UNC13C: variants seen among roughly 807,000 people sequenced by gnomAD.
UNC13C encodes the protein protein unc-13 homolog C.
A neutral mutation model predicts 245.4 loss-of-function variants in UNC13C; 174 were observed. The observed-to-expected ratio is 0.71, with a 90% confidence interval of 0.63 to 0.80. The LOEUF (loss-of-function observed/expected upper bound fraction) is 0.80, where lower values mean the gene tolerates loss of function less well. UNC13C is among the 30% of genes least tolerant of loss of function. UNC13C has a pLI of 0.00. For missense variants in UNC13C, 2,829 were observed against 2,602.9 expected, an observed-to-expected ratio of 1.09 and a Z score of -1.89; for synonymous variants, 992 against 895.1, an observed-to-expected ratio of 1.11 and a Z score of -1.93.
At chr15:54,171,238 A>G (rs1444327792) in intron 4 of UNC13C, among the ~76,000 whole-genome samples, 2 of 152,162 alleles carry the variant, frequency 1.3e-5, no homozygotes, top group African/African-American at 4.8e-5. Flanking sequence ...AACCAATGCA[A>G]AAATGGACAA....
At chr15:53,985,462 T>C (rs1318536315) in intron 1 of UNC13C, among the ~76,000 whole-genome samples, 4 of 151,594 alleles carry the variant, frequency 2.6e-5, no homozygotes, top group Non-Finnish European at 5.9e-5. Context: ...TATACATGTG[T>C]TAAGTATACA....
chr15:53,940,643 A>G, the UNC13C span, among the ~76,000 whole-genome samples: 1 of 152,304 alleles, frequency 6.6e-6, no homozygotes, highest in African/African-American at 2.4e-5. Context: ...ATCGATGTGC[A>G]GAAATCAGTA....
the UNC13C span, among the ~76,000 whole-genome samples, chr15:53,872,680 T>C: frequency 1.8e-3 from 280 of 152,234 alleles, 3 homozygotes; most frequent in Non-Finnish European, 3.1e-4. Flanking sequence ...TTAATTCTCA[T>C]AGGGGCCTGT....
intron 18 of UNC13C, among the ~76,000 whole-genome samples, chr15:54,399,101 A>G (rs2040128479): frequency 1.3e-5 from 2 of 151,638 alleles, no homozygotes; most frequent in African/African-American, 4.8e-5. Context: ...GATCTTTATG[A>G]CTAAATGCAC....
At chr15:54,525,412 CAAA>C (rs75531604) in intron 24 of UNC13C, 134 bp from the exon 25 acceptor site, 3,412 of 390,536 alleles carry the variant, frequency 8.7e-3, no homozygotes, top group South Asian at 0.015. Context: ...TTTCAAAGAC[CAAA>C]AAAAAAAAAA....
At chr15:53,960,092 C>G in the UNC13C span, among the ~76,000 whole-genome samples, 1 of 152,130 alleles carries the variant, frequency 6.6e-6, no homozygotes, top group African/African-American at 2.4e-5. Context: ...GATATGCTAC[C>G]TCCAAGTAGT....
intron 4 of UNC13C, among the ~76,000 whole-genome samples, chr15:54,176,491 C>G (rs1195584271): frequency 1.3e-5 from 2 of 152,086 alleles, no homozygotes; most frequent in Admixed American, 6.6e-5. Flanking sequence ...TAGCCCCTGT[C>G]TAACCCTTAT....
intron 1 of UNC13C, among the ~76,000 whole-genome samples, chr15:54,006,276 G>C (rs1895132753): frequency 6.6e-6 from 1 of 152,208 alleles, no homozygotes; most frequent in South Asian, 2.1e-4. Context: ...GTGGGTTGTA[G>C]TTGGGTGAAG....
At chr15:54,509,575 A>G (rs945491663) in intron 23 of UNC13C, among the ~76,000 whole-genome samples, 2 of 152,160 alleles carry the variant, frequency 1.3e-5, no homozygotes, top group African/African-American at 4.8e-5. Flanking sequence ...AAAAATCAAG[A>G]TATAAAAATA....
intron 4 of UNC13C, among the ~76,000 whole-genome samples, chr15:54,221,347 A>G (rs1596030651): frequency 6.6e-6 from 1 of 152,084 alleles, no homozygotes. Flanking sequence ...TGAATCACCA[A>G]TTGTACAAAC....
intron 7 of UNC13C, among the ~76,000 whole-genome samples, chr15:54,241,908 T>C (rs539929060): frequency 6.6e-6 from 1 of 152,284 alleles, no homozygotes; most frequent in Non-Finnish European, 1.5e-5. Context: ...AGATTATCTC[T>C]TGTCTGCAAG....
the UNC13C span, among the ~76,000 whole-genome samples, chr15:53,862,962 A>AT: frequency 6.6e-6 from 1 of 152,176 alleles, no homozygotes; most frequent in African/African-American, 2.4e-5. Context: ...GTTTTAACTA[A>AT]TTCCAGCATC....
chr15:54,380,486 T>C (rs1401203883), intron 17 of UNC13C, among the ~76,000 whole-genome samples: 6 of 152,162 alleles, frequency 3.9e-5, no homozygotes, highest in Non-Finnish European at 8.8e-5. Flanking sequence ...TGGATATATA[T>C]ACAGTGGTCA....
At chr15:54,425,218 A>G (rs904897978) in intron 19 of UNC13C, among the ~76,000 whole-genome samples, 6 of 151,872 alleles carry the variant, frequency 4.0e-5, no homozygotes, top group Admixed American at 1.3e-4. Flanking sequence ...AAAACTCACA[A>G]TTCACTATGT....
At chr15:54,151,049 G>C (rs1387719082) in intron 4 of UNC13C, among the ~76,000 whole-genome samples, 4 of 152,100 alleles carry the variant, frequency 2.6e-5, no homozygotes, top group Admixed American at 2.6e-4. Context: ...TCTCTTTCTG[G>C]CTTGGGTTTA....
chr15:53,931,325 C>G, the UNC13C span, among the ~76,000 whole-genome samples: 3 of 152,038 alleles, frequency 2.0e-5, no homozygotes, highest in Admixed American at 6.6e-5. Flanking sequence ...CGTGCTACCA[C>G]ACCTGGCTAA....
chr15:54,330,590 G>A (rs2038412633), intron 14 of UNC13C, among the ~76,000 whole-genome samples: 1 of 151,936 alleles, frequency 6.6e-6, no homozygotes, highest in Non-Finnish European at 1.5e-5. Flanking sequence ...GATGTTACAC[G>A]AATCACACTC....
the UNC13C span, among the ~76,000 whole-genome samples, chr15:53,946,993 T>A: frequency 6.6e-6 from 1 of 152,176 alleles, no homozygotes; most frequent in African/African-American, 2.4e-5. Flanking sequence ...CGGGTTCTAA[T>A]AAAAGTTCTA....
chr15:54,054,596 G>A (rs1897419940), intron 2 of UNC13C, among the ~76,000 whole-genome samples: 1 of 152,000 alleles, frequency 6.6e-6, no homozygotes, highest in African/African-American at 2.4e-5. Context: ...TTTAAATATG[G>A]GAATGTGACC....
Sources: allele counts gnomAD v4.1 joint callset (sites outside exome capture counted in the v4.1 genomes callset), GRCh38; gene constraint gnomAD v4.1.1; transcripts MANE v1.5; gene names NCBI Gene and HGNC (gene_info 2026-07-23, HGNC 2026-07-21).